The following PRKCA variants were observed in gnomAD, a reference collection of about 807,000 sequenced individuals.
PRKCA encodes protein kinase C alpha type.
PRKCA carries 27 observed loss-of-function variants against 87.0 expected under a neutral mutation model. The observed-to-expected ratio is 0.31, with a 90% CI of 0.23 to 0.43. PRKCA has a LOEUF of 0.43. Among genes scored for constraint, PRKCA ranks in the 20% least tolerant of loss-of-function variants. The pLI, the probability that PRKCA is intolerant of heterozygous loss-of-function variation, is 1.00. For missense variants in PRKCA, 518 were observed against 852.3 expected, an observed-to-expected ratio of 0.61 and a Z score of 4.88; for synonymous variants, 329 against 311.1, an observed-to-expected ratio of 1.06 and a Z score of -0.61.
intron 2 of PRKCA, among the ~76,000 whole-genome samples, chr17:66,444,641 G>A (rs1357098603): frequency 3.3e-5 from 5 of 152,082 alleles, no homozygotes; most frequent in African/African-American, 1.2e-4. Flanking sequence ...GTGTCACAAG[G>A]CTTATCTTTG....
chr17:66,553,886 G>A (rs996501312), intron 3 of PRKCA, among the ~76,000 whole-genome samples: 1 of 152,130 alleles, frequency 6.6e-6, no homozygotes, highest in South Asian at 2.1e-4. Context: ...GTGTGTGGCC[G>A]GGGTGATCCA....
chr17:66,804,793 TC>T lies in PRKCA; in HGVS notation c.*757del, dbSNP rs146084658. On this transcript the variant is annotated 3_prime_UTR_variant, in exon 17 of 17. Coordinates refer to ENST00000413366, the MANE Select transcript of PRKCA (RefSeq NM_002737.3). ...TGCTGAACAAGCGTGTGAAATCATT[TC>T]AGATCAAGGATAAGCCAGTGTGTAC... 2,641 of 162,552 alleles carry T rather than the reference TC, an allele frequency of 0.016. 71 individuals carry two copies. Among genetic ancestry groups the T allele is most frequent in the African/African-American group, 0.059 (2,458 of 41,716 alleles). 10.1% of individuals were successfully genotyped at this position (162,552 alleles called of 1,614,324 possible).
intron 2 of PRKCA, among the ~76,000 whole-genome samples, chr17:66,392,796 A>G (rs1360527711): frequency 6.6e-6 from 1 of 152,244 alleles, no homozygotes; most frequent in East Asian, 1.9e-4. Context: ...AAAAGAAAGT[A>G]TAGGCCATTC....
chr17:66,587,895 G>GTGTATATATA (rs1485055138), intron 3 of PRKCA, among the ~76,000 whole-genome samples: 14 of 85,388 alleles, frequency 1.6e-4, no homozygotes, highest in South Asian at 9.0e-4. Context: ...GTGTGTGTGT[G>GTGTATATATA]TATATATATA....
chr17:66,688,930 T>G (rs1972704136), intron 7 of PRKCA, 21 bp from the exon 8 acceptor site: 1 of 1,517,486 alleles, frequency 6.6e-7, no homozygotes, highest in Non-Finnish European at 9.1e-7. Flanking sequence ...GTGGTAACTC[T>G]TCTTCTCCCG....
At chr17:66,493,741 C>G (rs1012731233) in intron 2 of PRKCA, among the ~76,000 whole-genome samples, 1 of 152,104 alleles carries the variant, frequency 6.6e-6, no homozygotes, top group African/African-American at 2.4e-5. Context: ...ACAACAACAG[C>G]AACAGCCTGG....
At chr17:66,553,405 G>A (rs939978051) in intron 3 of PRKCA, among the ~76,000 whole-genome samples, 1 of 152,096 alleles carries the variant, frequency 6.6e-6, no homozygotes, top group Non-Finnish European at 1.5e-5. Flanking sequence ...CCTTCCTCTT[G>A]TGTGTTCCCT....
chr17:66,748,580 A>T (rs185472745), intron 13 of PRKCA, among the ~76,000 whole-genome samples: 1 of 152,264 alleles, frequency 6.6e-6, no homozygotes, highest in South Asian at 2.1e-4. Context: ...CGGGAGTGGG[A>T]TGGGCAGAAG....
chr17:66,477,284 G>A (rs1915574477), intron 2 of PRKCA, among the ~76,000 whole-genome samples: 1 of 152,140 alleles, frequency 6.6e-6, no homozygotes, highest in Non-Finnish European at 1.5e-5. Flanking sequence ...TGGAAATAAG[G>A]CATAAACGTA....
intron 3 of PRKCA, among the ~76,000 whole-genome samples, chr17:66,532,654 C>T (rs1212466439): frequency 2.0e-5 from 3 of 152,078 alleles, no homozygotes; most frequent in African/African-American, 4.8e-5. Context: ...CCACTGCGCC[C>T]GGCCCATCCT....
chr17:66,558,817 C>CG (rs1279288608), intron 3 of PRKCA, among the ~76,000 whole-genome samples: 2 of 152,038 alleles, frequency 1.3e-5, no homozygotes, highest in African/African-American at 4.8e-5. Context: ...AAGCAGCCGA[C>CG]GGTGAAGGTC....
intron 6 of PRKCA, among the ~76,000 whole-genome samples, 154 bp from the exon 7 acceptor site, chr17:66,688,148 G>A (rs1040137460): frequency 2.0e-5 from 3 of 152,172 alleles, no homozygotes; most frequent in Middle Eastern, 3.2e-3. Context: ...CTCCTGTAGC[G>A]CTTTGCTTGC....
At chr17:66,603,235 G>T (rs1970107169) in intron 3 of PRKCA, among the ~76,000 whole-genome samples, 1 of 152,158 alleles carries the variant, frequency 6.6e-6, no homozygotes. Context: ...TCTCTGCTGT[G>T]CTTCCTTGGA....
intron 14 of PRKCA, among the ~76,000 whole-genome samples, chr17:66,781,868 G>GAGAGATATAT (rs1491546533): frequency 7.0e-5 from 7 of 99,352 alleles, no homozygotes; most frequent in African/African-American, 2.7e-4. Flanking sequence ...GAGAGAGAGA[G>GAGAGATATAT]ATATATATAT....
chr17:66,451,359 T>A (rs1270812474), intron 2 of PRKCA, among the ~76,000 whole-genome samples: 1 of 150,804 alleles, frequency 6.6e-6, no homozygotes, highest in African/African-American at 2.4e-5. Context: ...TTTATTTATT[T>A]ATTTATTTAT....
chr17:66,620,698 A>T (rs539438500), intron 3 of PRKCA, among the ~76,000 whole-genome samples: 1 of 152,322 alleles, frequency 6.6e-6, no homozygotes, highest in East Asian at 1.9e-4. Flanking sequence ...AGTCAAAGTG[A>T]ACACAGTGAA....
Position 66,731,160 on chromosome 17 carries a change from G to T in PRKCA, c.919-1528G>T, listed in dbSNP as rs1453533533. 3.3e-5 allele frequency among the ~76,000 whole-genome samples: 5 copies of T among 152,050 alleles called. No individual in the cohort carries two copies. In the South Asian group the frequency reaches 6.2e-4, roughly 19 times the overall value. On this transcript the variant is annotated intron_variant, in intron 8 of 16. Coordinates refer to ENST00000413366, the MANE Select transcript of PRKCA (RefSeq NM_002737.3). Reference sequence around the variant, plus strand: ...GAGGTCAGGAGTTCGAGACCAGGCTGCCCAACATGGCGAAACCCCATCTCT... The same window carrying T: ...GAGGTCAGGAGTTCGAGACCAGGCTTCCCAACATGGCGAAACCCCATCTCT...
intron 2 of PRKCA, among the ~76,000 whole-genome samples, chr17:66,402,089 G>A (rs547169639): frequency 6.6e-6 from 1 of 152,336 alleles, no homozygotes; most frequent in East Asian, 1.9e-4. Context: ...GACCAAGAGG[G>A]AGTCGTGTCT....
chr17:66,390,569 T>C (rs6504419), intron 2 of PRKCA, among the ~76,000 whole-genome samples: 120,003 of 152,008 alleles, frequency 0.79, 47,886 homozygotes, highest in South Asian at 0.87. Context: ...GGAGAGGAGA[T>C]GCCATGAACT....
Sources: gnomAD v4.1 joint callset for allele counts (sites outside exome capture counted in the v4.1 genomes callset) on GRCh38, gnomAD v4.1.1 for gene constraint, MANE v1.5 for transcripts, NCBI Gene and HGNC (gene_info 2026-07-23, HGNC 2026-07-21) for gene names.